SLC38A6: variants seen among roughly 807,000 people sequenced by gnomAD.
SLC38A6 encodes the protein N system amino acid transporter NAT-1.
SLC38A6 carries 73 observed loss-of-function variants against 65.0 expected under a neutral mutation model. That is an observed-to-expected ratio of 1.12 (90% CI 0.93 to 1.37). The LOEUF (loss-of-function observed/expected upper bound fraction) is 1.37, where lower values mean the gene tolerates loss of function less well. Among genes scored for constraint, SLC38A6 ranks in the 40% most tolerant of loss-of-function variants. The pLI, the probability that SLC38A6 is intolerant of heterozygous loss-of-function variation, is 0.00. For missense variants in SLC38A6, 561 were observed against 531.1 expected (o/e 1.06, Z -0.55); for synonymous variants, 183 against 178.8 (o/e 1.02, Z -0.19).
At chr14:61,009,268 A>G (rs1201815877) in intron 3 of SLC38A6, among the ~76,000 whole-genome samples, 1 of 152,206 alleles carries the variant, frequency 6.6e-6, no homozygotes, top group Non-Finnish European at 1.5e-5. Context: ...AAATACATAC[A>G]GAGAGATGTC....
rs894464307 is a variant in SLC38A6 at position 60,994,685 on chromosome 14, CAA to C, written c.310+9883_310+9884del. Among the ~76,000 whole-genome samples, 17 of 133,758 alleles carry C rather than the reference CAA, an allele frequency of 1.3e-4. No individual in the cohort carries two copies. The South Asian group carries it at 1.7e-3, about 13-fold the overall frequency. 87.8% of individuals were successfully genotyped at this position (133,758 alleles called of 152,430 possible). A position where few individuals can be genotyped will look rare whatever the true frequency, so the allele number is the denominator to read the frequency against. On this transcript the variant is annotated intron_variant, in intron 3 of 15. Transcript: ENST00000267488. Reference sequence around the variant, plus strand: ...TGCCATTGCACTCCAGCCTGGGCGACAAGAGCAAAACCTCGTCTCAAAAAAAA... The same window carrying C: ...TGCCATTGCACTCCAGCCTGGGCGACGAGCAAAACCTCGTCTCAAAAAAAA...
At chr14:61,022,305 T>C (rs1192579794) in intron 5 of SLC38A6, among the ~76,000 whole-genome samples, 2 of 152,006 alleles carry the variant, frequency 1.3e-5, no homozygotes, top group Admixed American at 1.3e-4. Flanking sequence ...AGGACTACCC[T>C]TTAGAACCTC....
chr14:61,001,838 T>C (rs1481589432), intron 3 of SLC38A6, among the ~76,000 whole-genome samples: 1 of 152,232 alleles, frequency 6.6e-6, no homozygotes, highest in Non-Finnish European at 1.5e-5. Flanking sequence ...TAAATACATA[T>C]AAACATTTAA....
At chr14:61,003,041 T>C (rs1859798485) in intron 3 of SLC38A6, among the ~76,000 whole-genome samples, 1 of 152,118 alleles carries the variant, frequency 6.6e-6, no homozygotes, top group Non-Finnish European at 1.5e-5. Flanking sequence ...AATCTCCTGT[T>C]AGTAGACCAA....
chr14:61,070,162 C>A lies in SLC38A6; in HGVS notation c.1291-8648C>A, dbSNP rs147296590. 3.9e-4 allele frequency among the ~76,000 whole-genome samples: 60 copies of A among 152,278 alleles called. 1 individual carries two copies. The East Asian group carries it at 0.011, about 27-fold the overall frequency. On this transcript the variant is annotated intron_variant, in intron 15 of 16. Transcript: ENST00000354886. Reference sequence around the variant, plus strand: ...GTATAGTAGATACCTAAAACTTTTTCATCCGGCATGACTAAAACTCTGTGC... The same window carrying A: ...GTATAGTAGATACCTAAAACTTTTTAATCCGGCATGACTAAAACTCTGTGC...
At chr14:61,014,258 C>T (rs1183530020) in intron 3 of SLC38A6, among the ~76,000 whole-genome samples, 1 of 152,140 alleles carries the variant, frequency 6.6e-6, no homozygotes, top group African/African-American at 2.4e-5. Context: ...GACTTCTCTG[C>T]ATTGGTTATT....
At chr14:60,993,146 C>G (rs529914631) in intron 3 of SLC38A6, among the ~76,000 whole-genome samples, 89 of 152,138 alleles carry the variant, frequency 5.8e-4, no homozygotes, top group African/African-American at 2.1e-3. Context: ...CCGCACCTGG[C>G]CAGATAACAT....
At chr14:61,074,065 T>C (rs1039031205) in intron 15 of SLC38A6, 1 of 152,218 alleles carries the variant, frequency 6.6e-6, no homozygotes, top group African/African-American at 2.4e-5. Flanking sequence ...TCAACTGTTA[T>C]TGGTAGGGCT....
intron 7 of SLC38A6, among the ~76,000 whole-genome samples, 196 bp from the exon 8 acceptor site, chr14:61,037,429 G>A (rs1389983117): frequency 6.6e-6 from 1 of 152,094 alleles, no homozygotes; most frequent in African/African-American, 2.4e-5. Flanking sequence ...TACCATTAGT[G>A]GTAAGCCAGT....
intron 15 of SLC38A6, chr14:61,073,754 T>C (rs1594792964): frequency 6.6e-6 from 1 of 152,122 alleles, no homozygotes; most frequent in East Asian, 1.9e-4. Flanking sequence ...TATTTATATG[T>C]AAATATACAG....
intron 3 of SLC38A6, chr14:60,987,613 C>T (rs2037551332): frequency 6.6e-6 from 1 of 152,248 alleles, no homozygotes; most frequent in Non-Finnish European, 1.5e-5. Context: ...AATGAGTGCT[C>T]CCTGGGGCAA....
intron 3 of SLC38A6, among the ~76,000 whole-genome samples, chr14:61,006,823 G>A (rs1406115773): frequency 6.6e-5 from 10 of 152,236 alleles, no homozygotes; most frequent in East Asian, 1.9e-4. Flanking sequence ...CCATTACTGG[G>A]TATATACCCA....
intron 4 of SLC38A6, among the ~76,000 whole-genome samples, chr14:61,018,383 C>A (rs2040145427): frequency 6.6e-6 from 1 of 152,194 alleles, no homozygotes; most frequent in Non-Finnish European, 1.5e-5. Context: ...ATCACCACAT[C>A]TCCAAAGACA....
At chr14:60,982,270 G>T in intron 1 of SLC38A6, 1 of 556,502 alleles carries the variant, frequency 1.8e-6, no homozygotes, top group South Asian at 1.5e-5. Flanking sequence ...CCTGAACTCT[G>T]CCTGTCTTGT....
At chr14:61,077,731 C>T (rs2043473338) in intron 15 of SLC38A6, among the ~76,000 whole-genome samples, 1 of 152,162 alleles carries the variant, frequency 6.6e-6, no homozygotes, top group Non-Finnish European at 1.5e-5. Context: ...GACTTGTATT[C>T]ATACATTTTA....
intron 3 of SLC38A6, among the ~76,000 whole-genome samples, chr14:61,012,769 T>C (rs1206537292): frequency 6.6e-6 from 1 of 152,228 alleles, no homozygotes; most frequent in Non-Finnish European, 1.5e-5. Flanking sequence ...TCATTTCTGC[T>C]CTTTTACATT....
chr14:60,982,129 A>G (rs1392329157), intron 1 of SLC38A6: 1 of 459,434 alleles, frequency 2.2e-6, no homozygotes, highest in East Asian at 6.9e-5. Context: ...ACAACTGCCC[A>G]CAGCAGTCCC....
chr14:61,042,557 T>TTTTG lies in SLC38A6; in HGVS notation c.625-574_625-571dup, dbSNP rs909220493. Among the ~76,000 whole-genome samples the TTTTG allele has an allele frequency of 3.3e-5, 5 of 152,196 alleles. No individual in the cohort carries two copies. In the South Asian group the frequency reaches 6.2e-4, roughly 19 times the overall value. On this transcript the variant is annotated intron_variant, in intron 8 of 15. Coordinates refer to ENST00000267488, the MANE Select transcript of SLC38A6 (RefSeq NM_153811.3). ...CCCTCTGGATTTCTTTTAATGTTTT[T>TTTTG]TTTGTTTGTTTGTTTGTTTTTACCA...
chr14:60,991,317 T>TA (rs1160909541), intron 3 of SLC38A6, among the ~76,000 whole-genome samples: 1 of 152,210 alleles, frequency 6.6e-6, no homozygotes, highest in African/African-American at 2.4e-5. Flanking sequence ...ATTTTTATCT[T>TA]ATGTAACATA....
Sources: allele counts gnomAD v4.1 joint callset (sites outside exome capture counted in the v4.1 genomes callset), GRCh38; gene constraint gnomAD v4.1.1; transcripts MANE v1.5; gene names NCBI Gene and HGNC (gene_info 2026-07-23, HGNC 2026-07-21).